CRACD: variants seen among roughly 807,000 people sequenced by gnomAD.
CRACD encodes capping protein inhibiting regulator of actin dynamics, also known as capping protein-inhibiting regulator of actin dynamics.
Under a neutral mutation model 106.8 loss-of-function variants are expected in CRACD, and 56 were observed. The observed-to-expected ratio is 0.52, with a 90% CI of 0.42 to 0.66. CRACD has a LOEUF of 0.66. Ranked by LOEUF, CRACD falls within the 30% of genes least tolerant of loss-of-function variation. The pLI is 0.00. For synonymous variants in CRACD, 754 were observed against 670.8 expected, an observed-to-expected ratio of 1.12 and a Z score of -1.92; for missense variants, 1,730 against 1,623.2, an observed-to-expected ratio of 1.07 and a Z score of -1.13.
intron 1 of CRACD, among the ~76,000 whole-genome samples, chr4:56,071,493 ATTTC>A (rs71192065): frequency 1.2e-4 from 14 of 113,994 alleles, no homozygotes; most frequent in Non-Finnish European, 1.0e-4. Flanking sequence ...CACAGGTTGT[ATTTC>A]TTTCTTTCTT....
intron 2 of CRACD, among the ~76,000 whole-genome samples, chr4:56,270,176 A>G (rs1162572547): frequency 6.6e-6 from 1 of 151,860 alleles, no homozygotes; most frequent in East Asian, 1.9e-4. Flanking sequence ...GCCGCTGCTT[A>G]GGATGAAATA....
intron 2 of CRACD, among the ~76,000 whole-genome samples, chr4:56,248,456 A>G (rs1740831499): frequency 6.6e-6 from 1 of 152,030 alleles, no homozygotes; most frequent in Non-Finnish European, 1.5e-5. Context: ...TCATAGGCAT[A>G]TATTTTTAAA....
chr4:56,327,226 G>A (rs1746507585), intron 10 of CRACD, among the ~76,000 whole-genome samples: 1 of 152,152 alleles, frequency 6.6e-6, no homozygotes, highest in Non-Finnish European at 1.5e-5. Context: ...CACATAGCTT[G>A]CTTTCCTTCA....
chr4:56,071,083 C>A (rs1452886351), intron 1 of CRACD, among the ~76,000 whole-genome samples: 1 of 152,112 alleles, frequency 6.6e-6, no homozygotes, highest in Non-Finnish European at 1.5e-5. Context: ...AAGTTGGATC[C>A]TCCTCATGTT....
Position 56,123,834 on chromosome 4 carries a change from G to A in CRACD, c.-335-55450G>A, listed in dbSNP as rs113005727. Among the ~76,000 whole-genome samples the A allele has an allele frequency of 6.5e-3, 994 of 152,224 alleles. 8 individuals carry two copies. The highest frequency in any genetic ancestry group is 0.018 in the South Asian group (86 of 4,816). ...GGAACCTAGACTGTATTCAGTAAAT[G>A]GTTTCTGAAATAAAACACTTATTTA... On this transcript the variant is annotated intron_variant, in intron 1 of 10. Transcript: ENST00000682029.
intron 1 of CRACD, among the ~76,000 whole-genome samples, chr4:56,143,258 T>C (rs1460805244): frequency 2.0e-5 from 3 of 152,112 alleles, no homozygotes; most frequent in East Asian, 1.9e-4. Flanking sequence ...AGTTGTTTTC[T>C]TGAAAAACTT....
intron 1 of CRACD, among the ~76,000 whole-genome samples, chr4:56,122,485 A>G (rs1299784439): frequency 6.6e-6 from 1 of 152,154 alleles, no homozygotes; most frequent in Non-Finnish European, 1.5e-5. Context: ...CCTGGGCTTG[A>G]TACACCACTG....
chr4:56,249,184 C>G (rs1740894825), intron 2 of CRACD, among the ~76,000 whole-genome samples: 1 of 149,842 alleles, frequency 6.7e-6, no homozygotes, highest in South Asian at 2.2e-4. Flanking sequence ...AGTTTACAGT[C>G]CCACCAACAG....
intron 2 of CRACD, among the ~76,000 whole-genome samples, chr4:56,261,291 G>A (rs1237653881): frequency 6.6e-6 from 1 of 152,008 alleles, no homozygotes; most frequent in Non-Finnish European, 1.5e-5. Flanking sequence ...TAGCATGTGG[G>A]AGAAATGTGG....
chr4:56,275,158 G>GA lies in CRACD; in HGVS notation c.-17+2666_-17+2667insA, dbSNP rs768962330. Among the ~76,000 whole-genome samples, 5 of 152,152 alleles carry GA rather than the reference G, an allele frequency of 3.3e-5. No individual in the cohort carries two copies. In the East Asian group the frequency reaches 5.8e-4, roughly 18 times the overall value. On this transcript the variant is annotated intron_variant, in intron 3 of 10. Transcript: ENST00000682029. ...GTGGAGGGTGAGTGGGGGGAAAGGA[G>GA]CAGAAAAGATAATTTACTGGGCTTA...
intron 1 of CRACD, among the ~76,000 whole-genome samples, chr4:56,114,856 CTGTGCA>C (rs1734229036): frequency 6.6e-6 from 1 of 151,922 alleles, no homozygotes; most frequent in Non-Finnish European, 1.5e-5. Flanking sequence ...TATTTCTTGC[CTGTGCA>C]TTATAGTAAA....
Position 56,072,019 on chromosome 4 carries a change from G to A in CRACD, c.-336+22720G>A, listed in dbSNP as rs542895046. 4.6e-5 allele frequency among the ~76,000 whole-genome samples: 7 copies of A among 151,384 alleles called. No individual in the cohort carries two copies. In the South Asian group the frequency reaches 1.5e-3, roughly 32 times the overall value. On this transcript the variant is annotated intron_variant, in intron 1 of 10. Transcript: ENST00000682029. ...GGCGGGCGCCTGTAGTCCCAGCTAC[G>A]CGGGAGGCTGAGGCAGGAGAATGGC...
intron 1 of CRACD, among the ~76,000 whole-genome samples, chr4:56,137,764 G>T (rs1735056048): frequency 6.6e-6 from 1 of 152,212 alleles, no homozygotes; most frequent in Non-Finnish European, 1.5e-5. Flanking sequence ...GAGGCAGGAG[G>T]ATCACCTGAG....
chr4:56,087,646 A>G (rs917295791), intron 1 of CRACD, among the ~76,000 whole-genome samples: 5 of 152,106 alleles, frequency 3.3e-5, no homozygotes, highest in Non-Finnish European at 7.4e-5. Flanking sequence ...TCCCATCTGA[A>G]TATTTTCTCC....
At chr4:56,059,694 T>A (rs1022366950) in intron 1 of CRACD, among the ~76,000 whole-genome samples, 1 of 152,308 alleles carries the variant, frequency 6.6e-6, no homozygotes, top group Non-Finnish European at 1.5e-5. Flanking sequence ...TTTGTTTTTT[T>A]CTTTTTTGAG....
At position 56,097,808 on chromosome 4, in the gene CRACD, T is replaced by C. The variant is rs542780022; in HGVS notation, c.-336+48509T>C. 2.4e-4 allele frequency among the ~76,000 whole-genome samples: 36 copies of C among 152,248 alleles called. 1 individual carries two copies. The highest frequency in any genetic ancestry group is 2.2e-3 in the Admixed American group (34 of 15,296). ...AAAAAGGAAGGGATAGAGAACAGGA[T>C]GGAATGATTGCTGTCGTTAATAATT... On this transcript the variant is annotated intron_variant, in intron 1 of 10. Transcript: ENST00000682029.
intron 2 of CRACD, among the ~76,000 whole-genome samples, chr4:56,184,178 C>G (rs191160665): frequency 6.6e-6 from 1 of 152,304 alleles, no homozygotes; most frequent in Non-Finnish European, 1.5e-5. Flanking sequence ...TCAAGTGATT[C>G]TCATGCCTCA....
rs142124735 is a variant in CRACD at position 56,188,711 on chromosome 4, CAGAGAG to C, written c.-189+9300_-189+9305del. ...TCACACACACACACACACACACACA[CAGAGAG>C]AGAGAGAGAGAGAGAGAGGGGTTAA... is the stretch of plus-strand genomic sequence containing the variant. On this transcript the variant is annotated intron_variant, in intron 2 of 10. Transcript: ENST00000682029. 1.5e-4 allele frequency among the ~76,000 whole-genome samples: 17 copies of C among 113,164 alleles called. No homozygotes were observed. In the South Asian group the frequency reaches 1.6e-3, roughly 11 times the overall value. 74.2% of individuals were successfully genotyped at this position (113,164 alleles called of 152,430 possible).
intron 3 of CRACD, among the ~76,000 whole-genome samples, chr4:56,296,494 A>G (rs1437927933): frequency 6.6e-6 from 1 of 152,090 alleles, no homozygotes; most frequent in Non-Finnish European, 1.5e-5. Context: ...AAAATTTGGT[A>G]ATTAGTCTTC....
Sources: allele counts gnomAD v4.1 joint callset (sites outside exome capture counted in the v4.1 genomes callset), GRCh38; gene constraint gnomAD v4.1.1; transcripts MANE v1.5; gene names NCBI Gene and HGNC (gene_info 2026-07-23, HGNC 2026-07-21).